YAP1: variants seen among roughly 807,000 people sequenced by gnomAD.
YAP1 encodes the protein Yes1 associated transcriptional regulator, also known as transcriptional coactivator YAP1.
A neutral mutation model predicts 56.9 loss-of-function variants in YAP1; 5 were observed. That is an observed-to-expected ratio of 0.09 (90% CI 0.05 to 0.18). YAP1 has a LOEUF of 0.18. YAP1 is among the 10% of genes least tolerant of loss of function. YAP1 has a pLI of 1.00. For missense variants in YAP1, 539 were observed against 651.8 expected (o/e 0.83, Z 1.88); for synonymous variants, 265 against 248.1 (o/e 1.07, Z -0.64).
rs1950190329 is a variant in YAP1, at chr11:102,226,289, G to A, written c.1164-1180G>A. On this transcript the variant is annotated intron_variant, in intron 7 of 8. Coordinates refer to ENST00000282441, the MANE Select transcript of YAP1 (RefSeq NM_001130145.3). ...TGAGCCTTGGCAAAATCTGGCAGAA[G>A]CATTAGAGTAAACCAGTGATGGCAG... 4.6e-5 allele frequency among the ~76,000 whole-genome samples: 7 copies of A among 152,156 alleles called. No individual in the cohort carries two copies. In the South Asian group the frequency reaches 1.2e-3, roughly 27 times the overall value.
chr11:102,213,844 G>A (rs917514836), intron 6 of YAP1, among the ~76,000 whole-genome samples: 1 of 152,200 alleles, frequency 6.6e-6, no homozygotes. Context: ...TTGAGAGGCC[G>A]AGGCAGGCAA....
intron 2 of YAP1, among the ~76,000 whole-genome samples, chr11:102,138,047 C>G (rs1449278374): frequency 6.6e-6 from 1 of 152,140 alleles, no homozygotes; most frequent in Admixed American, 6.5e-5. Flanking sequence ...GCCACCACGC[C>G]TGGCTAATTT....
intron 1 of YAP1, among the ~76,000 whole-genome samples, chr11:102,113,080 C>T (rs1489671045): frequency 6.6e-6 from 1 of 152,134 alleles, no homozygotes; most frequent in Non-Finnish European, 1.5e-5. Context: ...CATACTTATT[C>T]TGATGGGAAA....
chr11:102,208,629 GA>G (rs1004374569), intron 5 of YAP1, among the ~76,000 whole-genome samples: 12 of 150,506 alleles, frequency 8.0e-5, no homozygotes, highest in Middle Eastern at 3.4e-3. Context: ...ATGGCTAATA[GA>G]AAAAAAAAGA....
At chr11:102,117,336 G>A (rs1006572485) in intron 2 of YAP1, among the ~76,000 whole-genome samples, 7 of 152,182 alleles carry the variant, frequency 4.6e-5, no homozygotes, top group Non-Finnish European at 1.0e-4. Flanking sequence ...TTTCCGCAAT[G>A]AAACATTTTA....
chr11:102,143,972 A>G (rs532824305), intron 2 of YAP1, among the ~76,000 whole-genome samples: 1 of 152,242 alleles, frequency 6.6e-6, no homozygotes, highest in Non-Finnish European at 1.5e-5. Context: ...AGTGGCCTTC[A>G]TCATAAAGAC....
chr11:102,194,103 C>A (rs7120067), intron 4 of YAP1, among the ~76,000 whole-genome samples: 43,839 of 152,094 alleles, frequency 0.29, 6,662 homozygotes, highest in East Asian at 0.33. Flanking sequence ...CCGTGCCAAG[C>A]CTTTTACATA....
intron 4 of YAP1, among the ~76,000 whole-genome samples, chr11:102,187,207 TTA>T (rs1208018827): frequency 6.6e-6 from 1 of 152,328 alleles, no homozygotes; most frequent in East Asian, 1.9e-4. Flanking sequence ...ATTTTGTGTC[TTA>T]TATATACCTT....
Position 102,115,068 on chromosome 11 carries a change from A to G in YAP1, c.572+674A>G, listed in dbSNP as rs185679622. On this transcript the variant is annotated intron_variant, in intron 2 of 8. Coordinates refer to ENST00000282441, the MANE Select transcript of YAP1 (RefSeq NM_001130145.3). ...CAAAAACATGACCGTTGGGTTGTTT[A>G]TTTATTTTTATTTTTTCAGTCCTTT... Among the ~76,000 whole-genome samples, 9 of 152,316 alleles carry G rather than the reference A, an allele frequency of 5.9e-5. No individual in the cohort carries two copies. The East Asian group carries it at 7.7e-4, about 13-fold the overall frequency.
chr11:102,211,142 A>G (rs1949385716), intron 6 of YAP1, among the ~76,000 whole-genome samples: 1 of 152,216 alleles, frequency 6.6e-6, no homozygotes, highest in Admixed American at 6.5e-5. Flanking sequence ...GGAGATTTGG[A>G]TTCAGGTAAA....
Position 102,224,952 on chromosome 11 carries a change from C to T in YAP1, c.1163+1200C>T, listed in dbSNP as rs1437531371. On this transcript the variant is annotated intron_variant, in intron 7 of 8. Coordinates refer to ENST00000282441, the MANE Select transcript of YAP1 (RefSeq NM_001130145.3). ...TTAATCCCAGGGATAAAAATTAGAC[C>T]ATTTTAAAAATGGATAGGCTGCATA... Among the ~76,000 whole-genome samples the T allele has an allele frequency of 2.6e-5, 4 of 152,146 alleles. No individual in the cohort carries two copies. The East Asian group carries it at 7.7e-4, about 29-fold the overall frequency.
chr11:102,209,079 T>C (rs921050031), intron 5 of YAP1, among the ~76,000 whole-genome samples: 1 of 152,228 alleles, frequency 6.6e-6, no homozygotes, highest in African/African-American at 2.4e-5. Context: ...ACAGACCTGC[T>C]CTATTCTCAT....
At chr11:102,201,073 A>G (rs191835411) in intron 4 of YAP1, among the ~76,000 whole-genome samples, 6 of 152,242 alleles carry the variant, frequency 3.9e-5, no homozygotes, top group Admixed American at 1.3e-4. Flanking sequence ...TCTCCCGTAT[A>G]GACATCTACC....
In YAP1 at chr11:102,221,982, ACT is replaced by A. The variant is rs145775774; in HGVS notation, c.1033-1635_1033-1634del. Among the ~76,000 whole-genome samples, 13 of 151,932 alleles carry A rather than the reference ACT, an allele frequency of 8.6e-5. No individual in the cohort carries two copies. In the East Asian group the frequency reaches 9.7e-4, roughly 11 times the overall value. On this transcript the variant is annotated intron_variant, in intron 6 of 8. Coordinates refer to ENST00000282441, the MANE Select transcript of YAP1 (RefSeq NM_001130145.3). ...TTTTTTACCCCATTGAAGTTCAGAG[ACT>A]CTCTGAATTCTGTCATGGTCCGCTG... is the stretch of plus-strand genomic sequence containing the variant.
chr11:102,205,586 G>T (rs545315154), intron 4 of YAP1, among the ~76,000 whole-genome samples: 2 of 149,470 alleles, frequency 1.3e-5, no homozygotes, highest in Non-Finnish European at 3.0e-5. Flanking sequence ...CCCCCACCCC[G>T]TTTTTTTTAA....
At chr11:102,185,778 A>G (rs1485376978) in intron 3 of YAP1, among the ~76,000 whole-genome samples, 2 of 151,820 alleles carry the variant, frequency 1.3e-5, no homozygotes, top group Non-Finnish European at 2.9e-5. Flanking sequence ...TTTGGAAAAA[A>G]ATTTTTTTTC....
At chr11:102,220,894 T>A (rs1242128732) in intron 6 of YAP1, among the ~76,000 whole-genome samples, 1 of 152,204 alleles carries the variant, frequency 6.6e-6, no homozygotes, top group Admixed American at 6.5e-5. Flanking sequence ...TTATATGGGT[T>A]TTATGCATGG....
At chr11:102,207,428 A>G (rs1316613554) in intron 5 of YAP1, among the ~76,000 whole-genome samples, 3 of 151,980 alleles carry the variant, frequency 2.0e-5, no homozygotes, top group Non-Finnish European at 4.4e-5. Flanking sequence ...ATGGTGGCTC[A>G]TGCCTCTAAT....
intron 6 of YAP1, among the ~76,000 whole-genome samples, chr11:102,223,170 C>T (rs910523132): frequency 6.6e-6 from 1 of 151,106 alleles, no homozygotes; most frequent in Non-Finnish European, 1.5e-5. Flanking sequence ...ATCACTTGAA[C>T]CCAGGAGGCG....
Sources: allele counts gnomAD v4.1 joint callset (sites outside exome capture counted in the v4.1 genomes callset), GRCh38; gene constraint gnomAD v4.1.1; transcripts MANE v1.5; gene names NCBI Gene and HGNC (gene_info 2026-07-23, HGNC 2026-07-21).